Variants in GSDMC observed in about 807,000 individuals in gnomAD.
GSDMC encodes the protein gasdermin-C.
In GSDMC, 59 loss-of-function variants were observed where a neutral mutation model predicts 58.0. The observed-to-expected ratio is 1.02, with a 90% confidence interval of 0.82 to 1.26. The LOEUF (loss-of-function observed/expected upper bound fraction) is 1.26, where lower values mean the gene tolerates loss of function less well. GSDMC is among the 50% of genes most tolerant of loss of function. The pLI, the probability that GSDMC is intolerant of heterozygous loss-of-function variation, is 0.00. For missense variants in GSDMC, 659 were observed against 598.5 expected, an observed-to-expected ratio of 1.10 and a Z score of -1.06; for synonymous variants, 241 against 220.2, an observed-to-expected ratio of 1.09 and a Z score of -0.83.
downstream of GSDMC, among the ~76,000 whole-genome samples, chr8:129,744,208 T>C (rs1429067827): frequency 2.0e-5 from 3 of 152,204 alleles, no homozygotes; most frequent in Non-Finnish European, 4.4e-5. Flanking sequence ...CCTGGGGCAA[T>C]CTTAGGACTC....
chr8:129,744,794 C>T (rs866020900), downstream of GSDMC, among the ~76,000 whole-genome samples: 1 of 152,198 alleles, frequency 6.6e-6, no homozygotes, highest in Non-Finnish European at 1.5e-5. Flanking sequence ...TGTCATATGG[C>T]CAACCTAGCT....
the GSDMC span, among the ~76,000 whole-genome samples, chr8:129,717,087 T>C: frequency 1.3e-5 from 2 of 152,284 alleles, no homozygotes; most frequent in Non-Finnish European, 1.5e-5. Context: ...TTTGTTGTTG[T>C]TGTGTCTCTG....
intron 12 of GSDMC, 75 bp downstream of exon 12, chr8:129,749,915 C>A: frequency 8.2e-7 from 1 of 1,225,308 alleles, no homozygotes. Flanking sequence ...GGAGACACAG[C>A]ATCTAACACA....
the GSDMC span, among the ~76,000 whole-genome samples, chr8:129,736,945 C>T: frequency 6.6e-6 from 1 of 152,210 alleles, no homozygotes; most frequent in Non-Finnish European, 1.5e-5. Flanking sequence ...AGCAAAGTCT[C>T]AGGATATCAA....
chr8:129,755,545 T>G (rs2033393945), intron 6 of GSDMC, among the ~76,000 whole-genome samples: 1 of 152,198 alleles, frequency 6.6e-6, no homozygotes, highest in Non-Finnish European at 1.5e-5. Flanking sequence ...AACTCACTGC[T>G]AATAGGAAGC....
chr8:129,734,244 A>G, the GSDMC span, among the ~76,000 whole-genome samples: 11 of 152,334 alleles, frequency 7.2e-5, no homozygotes, highest in East Asian at 1.9e-3. Context: ...AAGTTGGAAA[A>G]CACTCTTCAG....
intron 6 of GSDMC, among the ~76,000 whole-genome samples, chr8:129,755,881 AC>A (rs1415541076): frequency 6.6e-6 from 1 of 151,898 alleles, no homozygotes; most frequent in African/African-American, 2.4e-5. Context: ...GACACAGAAA[AC>A]AAAAAGCAAA....
At chr8:129,738,347 CA>C in the GSDMC span, among the ~76,000 whole-genome samples, 3 of 152,292 alleles carry the variant, frequency 2.0e-5, no homozygotes, top group Admixed American at 6.5e-5. Context: ...TATAAAGACA[CA>C]TGCACACATA....
chr8:129,776,847 G>T (rs571753938), intron 2 of GSDMC, among the ~76,000 whole-genome samples: 1 of 151,914 alleles, frequency 6.6e-6, no homozygotes, highest in Admixed American at 6.6e-5. Context: ...TGCAACCTCC[G>T]CCTTCTGGGC....
At chr8:129,722,067 G>A in the GSDMC span, among the ~76,000 whole-genome samples, 3 of 152,150 alleles carry the variant, frequency 2.0e-5, no homozygotes, top group Non-Finnish European at 4.4e-5. Flanking sequence ...TATCCCTCCA[G>A]TATGTTCCTT....
At chr8:129,708,834 C>A in the GSDMC span, among the ~76,000 whole-genome samples, 3 of 152,266 alleles carry the variant, frequency 2.0e-5, no homozygotes, top group Non-Finnish European at 4.4e-5. Context: ...GGTTTTCTCT[C>A]TGGTTCACCA....
chr8:129,747,302 G>A (rs1319515933), downstream of GSDMC, among the ~76,000 whole-genome samples: 2 of 151,844 alleles, frequency 1.3e-5, no homozygotes, highest in Admixed American at 6.6e-5. Flanking sequence ...AAACAGCCAT[G>A]AGGGATACGG....
At chr8:129,742,974 T>C in the GSDMC span, among the ~76,000 whole-genome samples, 1 of 152,184 alleles carries the variant, frequency 6.6e-6, no homozygotes, top group African/African-American at 2.4e-5. Context: ...ATTATAATCA[T>C]CAATAATTGT....
chr8:129,733,976 C>T, the GSDMC span, among the ~76,000 whole-genome samples: 3 of 152,188 alleles, frequency 2.0e-5, no homozygotes, highest in South Asian at 6.2e-4. Context: ...TAGAGAACAC[C>T]TTAAATGACC....
chr8:129,714,073 G>A, the GSDMC span, among the ~76,000 whole-genome samples: 12 of 152,254 alleles, frequency 7.9e-5, no homozygotes, highest in South Asian at 1.0e-3. Flanking sequence ...AGAAAAACCC[G>A]GGATGCTGCA....
intron 13 of GSDMC, among the ~76,000 whole-genome samples, chr8:129,749,013 G>A (rs978628133): frequency 9.9e-5 from 15 of 152,230 alleles, no homozygotes; most frequent in Admixed American, 2.0e-4. Flanking sequence ...ATGCATATAT[G>A]TATGTATATA....
At chr8:129,726,542 A>G in the GSDMC span, among the ~76,000 whole-genome samples, 1 of 152,224 alleles carries the variant, frequency 6.6e-6, no homozygotes, top group Non-Finnish European at 1.5e-5. Context: ...ATTACTAGTC[A>G]CTGTCATTTT....
chr8:129,743,492 TATA>T (rs2032906024), downstream of GSDMC, among the ~76,000 whole-genome samples: 1 of 152,222 alleles, frequency 6.6e-6, no homozygotes, highest in Non-Finnish European at 1.5e-5. Context: ...TGAGCATATT[TATA>T]ATAAGCTGTT....
At chr8:129,708,871 C>T in the GSDMC span, among the ~76,000 whole-genome samples, 1 of 152,276 alleles carries the variant, frequency 6.6e-6, no homozygotes, top group Non-Finnish European at 1.5e-5. Flanking sequence ...CTTTCCAACT[C>T]TGGACAATGG....
Sources: gnomAD v4.1 joint callset for allele counts (sites outside exome capture counted in the v4.1 genomes callset) on GRCh38, gnomAD v4.1.1 for gene constraint, MANE v1.5 for transcripts, NCBI Gene and HGNC (gene_info 2026-07-23, HGNC 2026-07-21) for gene names.